Variants in DTNB observed in about 807,000 individuals in gnomAD.
DTNB encodes the protein dystrobrevin beta.
A neutral mutation model predicts 90.7 loss-of-function variants in DTNB; 63 were observed. That is an observed-to-expected ratio of 0.69 (90% CI 0.57 to 0.86). The LOEUF (loss-of-function observed/expected upper bound fraction) is 0.86. Ranked by LOEUF, DTNB falls within the 40% of genes least tolerant of loss-of-function variation. The pLI is 0.00. For synonymous variants in DTNB, 277 were observed against 286.7 expected (o/e 0.97, Z 0.34); for missense variants, 744 against 807.1 (o/e 0.92, Z 0.95).
At chr2:25,474,550 A>G (rs1229680084) in intron 10 of DTNB, among the ~76,000 whole-genome samples, 1 of 152,196 alleles carries the variant, frequency 6.6e-6, no homozygotes, top group East Asian at 1.9e-4. Context: ...CTTGGTCTTA[A>G]AAAAACAAAA....
At chr2:25,579,226 A>G (rs1020980503) in intron 7 of DTNB, among the ~76,000 whole-genome samples, 1 of 152,214 alleles carries the variant, frequency 6.6e-6, no homozygotes, top group Admixed American at 6.5e-5. Context: ...GCTCTCCAAA[A>G]TTTAAATCTA....
chr2:25,499,735 G>A (rs1418154473), intron 9 of DTNB, among the ~76,000 whole-genome samples: 15 of 152,150 alleles, frequency 9.9e-5, no homozygotes, highest in Admixed American at 9.8e-4. Context: ...TGTAAACTTT[G>A]CGAGAGCAGG....
intron 12 of DTNB, among the ~76,000 whole-genome samples, chr2:25,444,126 T>G (rs920605585): frequency 6.6e-6 from 1 of 152,220 alleles, no homozygotes; most frequent in South Asian, 2.1e-4. Flanking sequence ...AAAAAAACCC[T>G]TAAAGGTAAA....
intron 1 of DTNB, among the ~76,000 whole-genome samples, chr2:25,669,759 C>T (rs752232135): frequency 1.3e-5 from 2 of 152,122 alleles, no homozygotes; most frequent in Non-Finnish European, 2.9e-5. Flanking sequence ...GATCACTTGC[C>T]AGCCTGAGCA....
intron 12 of DTNB, among the ~76,000 whole-genome samples, chr2:25,438,356 T>A (rs942594183): frequency 6.6e-6 from 1 of 152,188 alleles, no homozygotes; most frequent in Non-Finnish European, 1.5e-5. Flanking sequence ...TAAGAAAATG[T>A]ATGAATTTTT....
At chr2:25,645,360 AAAAAAAAAAAG>A (rs2079199102) in intron 2 of DTNB, among the ~76,000 whole-genome samples, 3 of 148,976 alleles carry the variant, frequency 2.0e-5, no homozygotes. Flanking sequence ...TCCATCACAA[AAAAAAAAAAAG>A]AAAAAAAAAG....
intron 8 of DTNB, among the ~76,000 whole-genome samples, chr2:25,551,781 ATC>A (rs1306800273): frequency 6.6e-6 from 1 of 152,216 alleles, no homozygotes. Flanking sequence ...CTTAAGTATC[ATC>A]TCTCTGCATT....
chr2:25,504,601 AAAGG>A (rs1240927776), intron 9 of DTNB, among the ~76,000 whole-genome samples: 2 of 151,098 alleles, frequency 1.3e-5, no homozygotes, highest in Non-Finnish European at 3.0e-5. Flanking sequence ...AGAAAGAAGG[AAAGG>A]AAGGAAGGAA....
chr2:25,560,705 A>G (rs2058124561), intron 8 of DTNB, among the ~76,000 whole-genome samples: 1 of 152,230 alleles, frequency 6.6e-6, no homozygotes, highest in African/African-American at 2.4e-5. Flanking sequence ...ATTTCCTTAC[A>G]ATAAATCTCA....
chr2:25,563,406 T>C (rs1351658137), intron 8 of DTNB, among the ~76,000 whole-genome samples: 1 of 152,220 alleles, frequency 6.6e-6, no homozygotes, highest in East Asian at 1.9e-4. Flanking sequence ...GTGGGTTATC[T>C]TTTTACTTTC....
At chr2:25,430,331 T>C (rs565302128) in intron 14 of DTNB, among the ~76,000 whole-genome samples, 2 of 152,194 alleles carry the variant, frequency 1.3e-5, no homozygotes, top group African/African-American at 2.4e-5. Flanking sequence ...ACATTTCCAG[T>C]GCAGTAGACC....
intron 1 of DTNB, among the ~76,000 whole-genome samples, chr2:25,663,914 A>G (rs1421930342): frequency 1.3e-5 from 2 of 152,234 alleles, no homozygotes; most frequent in African/African-American, 4.8e-5. Flanking sequence ...TTTGTCTTTT[A>G]TTCCTAAACC....
intron 13 of DTNB, among the ~76,000 whole-genome samples, chr2:25,433,221 C>G (rs568886503): frequency 6.6e-6 from 1 of 152,302 alleles, no homozygotes; most frequent in Admixed American, 6.5e-5. Context: ...CATAAAAATA[C>G]TCTTCTCAAG....
intron 1 of DTNB, among the ~76,000 whole-genome samples, chr2:25,673,122 A>ACCCCGATACCCCTCCCGGC (rs1434821629): frequency 1.3e-5 from 2 of 150,654 alleles, no homozygotes; most frequent in Non-Finnish European, 3.0e-5. Context: ...CGCGTTCCGG[A>ACCCCGATACCCCTCCCGGC]CCCCGATACC....
At chr2:25,550,166 C>T (rs1328391313) in intron 8 of DTNB, among the ~76,000 whole-genome samples, 3 of 151,918 alleles carry the variant, frequency 2.0e-5, no homozygotes, top group East Asian at 1.9e-4. Context: ...CCAAGGTGGG[C>T]GGATCACGAG....
intron 9 of DTNB, among the ~76,000 whole-genome samples, chr2:25,494,532 A>G (rs551365096): frequency 1.4e-3 from 211 of 152,086 alleles, no homozygotes; most frequent in Non-Finnish European, 2.6e-3. Context: ...CACCATAACT[A>G]AATACTAACT....
At chr2:25,574,876 C>T (rs907967413) in intron 8 of DTNB, among the ~76,000 whole-genome samples, 1 of 152,030 alleles carries the variant, frequency 6.6e-6, no homozygotes, top group Non-Finnish European at 1.5e-5. Context: ...GCAAATAAGA[C>T]TTAGTTCACA....
intron 1 of DTNB, among the ~76,000 whole-genome samples, chr2:25,669,534 T>G (rs6738958): frequency 0.29 from 44,798 of 152,074 alleles, 7,563 homozygotes; most frequent in Non-Finnish European, 0.4. Context: ...GACATTAAAC[T>G]TAAATGGTAT....
At chr2:25,415,717 A>G (rs1293935552) in intron 16 of DTNB, among the ~76,000 whole-genome samples, 2 of 152,142 alleles carry the variant, frequency 1.3e-5, no homozygotes, top group African/African-American at 4.8e-5. Flanking sequence ...TGGAACCCCC[A>G]TAAAGACCCT....
Sources: gnomAD v4.1 joint callset for allele counts (sites outside exome capture counted in the v4.1 genomes callset) on GRCh38, gnomAD v4.1.1 for gene constraint, MANE v1.5 for transcripts, NCBI Gene and HGNC (gene_info 2026-07-23, HGNC 2026-07-21) for gene names.